The following C16orf92 variants were observed in gnomAD, a reference collection of about 807,000 sequenced individuals.
The protein encoded by C16orf92 is fertilization-influencing membrane protein 1.
C16orf92 carries 14 observed loss-of-function variants against 13.7 expected under a neutral mutation model. The ratio of observed to expected loss-of-function variants is 1.02; its 90% CI spans 0.67 to 1.60. The LOEUF is 1.60. Ranked by LOEUF, C16orf92 falls within the 40% of genes most tolerant of loss-of-function variation. The pLI is 0.00. For synonymous variants in C16orf92, 50 were observed against 57.4 expected (o/e 0.87, Z 0.58); for missense variants, 116 against 139.0 (o/e 0.83, Z 0.83).
chr16:30,024,943 G>C (rs1009670192), downstream of C16orf92: 17 of 451,892 alleles, frequency 3.8e-5, no homozygotes, highest in Non-Finnish European at 5.0e-5. Flanking sequence ...GGTGGGAGGC[G>C]GTGCCCCCTC....
downstream of C16orf92, chr16:30,027,289 C>A: frequency 4.9e-6 from 2 of 408,422 alleles, no homozygotes; most frequent in South Asian, 1.7e-5. Context: ...CCATTCCTGC[C>A]TCCTGGGACA....
At chr16:30,023,615 A>C in intron 1 of C16orf92, 112 bp from the exon 2 acceptor site, 1 of 1,579,198 alleles carries the variant, frequency 6.3e-7, no homozygotes, top group South Asian at 1.1e-5. Flanking sequence ...GACCCTCCAC[A>C]GCCTCTGCAA....
At chr16:30,025,847 G>A (rs2150973760), downstream of C16orf92, 6 of 1,588,702 alleles carry the variant, frequency 3.8e-6, no homozygotes, top group South Asian at 6.6e-5. This position sits in a 1 kb window ranked among gnomAD's most constrained non-coding sequence, Gnocchi z 4.1. Context: ...GGAAGGTGAG[G>A]AGCTGGGGCT....
chr16:30,025,376 A>G, downstream of C16orf92: 1 of 1,608,114 alleles, frequency 6.2e-7, no homozygotes, highest in Non-Finnish European at 8.5e-7. The surrounding 1 kb of genome is among the most constrained non-coding windows in gnomAD (Gnocchi z 4.1). Flanking sequence ...GGCCCAGTAC[A>G]GGTAGGGAAA....
At position 30,024,350 on chromosome 16, in the gene C16orf92, C is replaced by T; in HGVS notation, c.*123C>T. ...CCCAGCGAGCAGCTGGGGATCCTGT[C>T]CCCTCTGTTTCCCATGGCCCAAGCC... On this transcript the variant is annotated 3_prime_UTR_variant, in exon 4 of 4. Coordinates refer to ENST00000681219, the MANE Select transcript of C16orf92 (RefSeq NM_001109659.2). 7.5e-7 allele frequency: 1 copy of T among 1,338,562 alleles called. No homozygotes were observed. Among genetic ancestry groups the T allele is most frequent in the Non-Finnish European group, 1.0e-6 (1 of 976,740 alleles). 82.9% of individuals were successfully genotyped at this position (1,338,562 alleles called of 1,614,324 possible). A position where few individuals can be genotyped will look rare whatever the true frequency, so the allele number is the denominator to read the frequency against.
chr16:30,023,942 C>A, intron 2 of C16orf92, 57 bp downstream of exon 2: 2 of 1,592,344 alleles, frequency 1.3e-6, no homozygotes, highest in Non-Finnish European at 1.7e-6. Flanking sequence ...AGGAGAGCAG[C>A]CCCAGACCCT....
At position 30,024,083 on chromosome 16, in the gene C16orf92, A is replaced by C. The variant is rs1379388625; in HGVS notation, c.308A>C (p.His103Pro). 6.2e-7 allele frequency: 1 copy of C among 1,612,480 alleles called. No homozygotes were observed. Among genetic ancestry groups the C allele is most frequent in the Non-Finnish European group, 8.5e-7 (1 of 1,178,764 alleles). ...FFFLLFQFCT[H>P]INFQKGA Reference sequence around the variant, plus strand: ...TTTCTCCTTTTCCAGTTCTGCACCCACATGTAAGGCCTGCCCCCTTTCTCC... The same window carrying C: ...TTTCTCCTTTTCCAGTTCTGCACCCCCATGTAAGGCCTGCCCCCTTTCTCC... Residue 103 changes from histidine to proline, a missense_variant, in exon 3 of 4, where the codon CAC (histidine) becomes CCC (proline). Physicochemically the swap from His to Pro is moderately conservative, Grantham distance 77. Coordinates refer to ENST00000681219, the MANE Select transcript of C16orf92 (RefSeq NM_001109659.2).
At chr16:30,023,469 A>C (rs2070946201) in intron 1 of C16orf92, 65 bp downstream of exon 1, 1 of 1,525,716 alleles carries the variant, frequency 6.6e-7, no homozygotes, top group Non-Finnish European at 9.0e-7. Flanking sequence ...TGTGATGCCC[A>C]CTTAGGGACT....
Position 30,024,332 on chromosome 16 carries a change from A to G in C16orf92, c.*105A>G. 4 of 1,428,024 alleles carry G rather than the reference A, an allele frequency of 2.8e-6. No homozygotes were observed. The highest frequency in any genetic ancestry group is 3.9e-6 in the Non-Finnish European group (4 of 1,037,090). 88.5% of individuals were successfully genotyped at this position (1,428,024 alleles called of 1,614,324 possible). On this transcript the variant is annotated 3_prime_UTR_variant, in exon 4 of 4. Transcript: ENST00000681219. Reference sequence around the variant, plus strand: ...TTTCCTCCTCCCTGACTGCCCAGCGAGCAGCTGGGGATCCTGTCCCCTCTG... The same window carrying G: ...TTTCCTCCTCCCTGACTGCCCAGCGGGCAGCTGGGGATCCTGTCCCCTCTG...
downstream of C16orf92, chr16:30,025,447 C>T (rs2071077284): frequency 6.2e-7 from 1 of 1,612,468 alleles, no homozygotes; most frequent in African/African-American, 1.3e-5. This position sits in a 1 kb window ranked among gnomAD's most constrained non-coding sequence, Gnocchi z 4.1. Context: ...CCTTGTGCAG[C>T]AGTGTGTGCT....
At chr16:30,027,025 G>C, downstream of C16orf92, 1 of 692,976 alleles carries the variant, frequency 1.4e-6, no homozygotes, top group Non-Finnish European at 2.6e-6. Context: ...CAGCTAGTAA[G>C]AGATGGTGCT....
intron 1 of C16orf92, 75 bp from the exon 2 acceptor site, chr16:30,023,652 C>A: frequency 6.2e-7 from 1 of 1,613,396 alleles, no homozygotes; most frequent in South Asian, 1.1e-5. Context: ...CACAGGGTCC[C>A]AAGTCAGCTT....
chr16:30,024,864 A>C, downstream of C16orf92: 1 of 295,330 alleles, frequency 3.4e-6, no homozygotes, highest in East Asian at 6.4e-5. Flanking sequence ...GCGTCTCCCC[A>C]CATTCTGACT....
downstream of C16orf92, chr16:30,025,506 G>A (rs2071081579): frequency 6.2e-7 from 1 of 1,606,356 alleles, no homozygotes. This position sits in a 1 kb window ranked among gnomAD's most constrained non-coding sequence, Gnocchi z 4.1. Flanking sequence ...GCAGCAGAAG[G>A]GCTCGGCCCC....
chr16:30,023,905 G>A lies in C16orf92; in HGVS notation c.223+20G>A. Reference sequence around the variant, plus strand: ...ACTCAGGTATGAACCAGCTTGAGAAGGGACCTCCCTCCCCGCCAGGGTCTG... The same window carrying A: ...ACTCAGGTATGAACCAGCTTGAGAAAGGACCTCCCTCCCCGCCAGGGTCTG... On this transcript the variant is annotated intron_variant, in intron 2 of 3. Coordinates refer to ENST00000681219, the MANE Select transcript of C16orf92 (RefSeq NM_001109659.2). 1 of 1,602,264 alleles carries A rather than the reference G, an allele frequency of 6.2e-7. No homozygotes were observed. The highest frequency in any genetic ancestry group is 8.6e-7 in the Non-Finnish European group (1 of 1,169,188).
downstream of C16orf92, chr16:30,027,659 G>T (rs541723215): frequency 2.2e-6 from 1 of 456,074 alleles, no homozygotes; most frequent in African/African-American, 2.0e-5. Flanking sequence ...GACAAAGAAA[G>T]TTCCATGTAC....
At chr16:30,025,597 A>G, downstream of C16orf92, 1 of 1,479,368 alleles carries the variant, frequency 6.8e-7, no homozygotes, top group Non-Finnish European at 9.4e-7. The surrounding 1 kb of genome is among the most constrained non-coding windows in gnomAD (Gnocchi z 4.1). Flanking sequence ...CACAAGCACC[A>G]GGTGCTCAAA....
chr16:30,023,987 T>A lies in C16orf92; in HGVS notation c.224-12T>A. ...CATCAGAGGGGAGTTAAGGGTCCTG[T>A]TTGTCTAGCAGGTTCCAGCCCCGGG... On this transcript the variant is annotated splice_polypyrimidine_tract_variant and intron_variant, in intron 2 of 3. Coordinates refer to ENST00000681219, the MANE Select transcript of C16orf92 (RefSeq NM_001109659.2). The A allele has an allele frequency of 6.2e-7, 1 of 1,609,702 alleles. No homozygotes were observed. Among genetic ancestry groups the A allele is most frequent in the Non-Finnish European group, 8.5e-7 (1 of 1,175,976 alleles).
chr16:30,025,718 T>C (rs552159479), downstream of C16orf92: 22 of 1,613,866 alleles, frequency 1.4e-5, no homozygotes, highest in African/African-American at 2.7e-4. The surrounding 1 kb of genome is among the most constrained non-coding windows in gnomAD (Gnocchi z 4.1). Context: ...CCTCCCATGC[T>C]CACTCACCTG....
Sources: allele counts gnomAD v4.1 joint callset, GRCh38; gene constraint gnomAD v4.1.1; non-coding constraint Gnocchi (gnomAD v3.1); transcripts MANE v1.5; gene names NCBI Gene and HGNC (gene_info 2026-07-23, HGNC 2026-07-21).